Variants in OPCML observed in about 807,000 individuals in gnomAD.
OPCML encodes the protein opioid binding protein/cell adhesion molecule like.
A neutral mutation model predicts 37.8 loss-of-function variants in OPCML; 13 were observed. That is an observed-to-expected ratio of 0.34 (90% CI 0.22 to 0.55). The LOEUF is 0.55. OPCML is among the 20% of genes least tolerant of loss of function. OPCML has a pLI of 0.91. For synonymous variants in OPCML, 176 were observed against 168.8 expected, an observed-to-expected ratio of 1.04 and a Z score of -0.33; for missense variants, 341 against 435.6, an observed-to-expected ratio of 0.78 and a Z score of 1.93.
intron 1 of OPCML, among the ~76,000 whole-genome samples, chr11:133,359,349 T>C (rs1011185187): frequency 1.3e-5 from 2 of 152,196 alleles, no homozygotes; most frequent in Non-Finnish European, 2.9e-5. Flanking sequence ...TTTTTTGTAA[T>C]TGTTCACATT....
intron 4 of OPCML, among the ~76,000 whole-genome samples, chr11:132,506,240 G>A: frequency 6.6e-6 from 1 of 152,204 alleles, no homozygotes; most frequent in East Asian, 1.9e-4. Flanking sequence ...GGGATAGTCT[G>A]TGTTATGATT....
At chr11:133,227,717 G>A (rs1323907616) in intron 1 of OPCML, among the ~76,000 whole-genome samples, 1 of 152,152 alleles carries the variant, frequency 6.6e-6, no homozygotes, top group Non-Finnish European at 1.5e-5. Context: ...GCCCTCCAGG[G>A]TGAAGGGCAT....
At chr11:132,970,266 G>A (rs952247025) in intron 1 of OPCML, among the ~76,000 whole-genome samples, 2 of 152,028 alleles carry the variant, frequency 1.3e-5, no homozygotes, top group African/African-American at 2.4e-5. Flanking sequence ...GAATTATATA[G>A]GCACATACGA....
chr11:132,921,167 G>C (rs61906959), intron 2 of OPCML, among the ~76,000 whole-genome samples: 37,065 of 152,138 alleles, frequency 0.24, 7,584 homozygotes, highest in African/African-American at 0.55. Context: ...CCTCGTGTTT[G>C]TCACCTTGTT....
chr11:133,479,239 TAAGGCCCA>T (rs1565656746), intron 1 of OPCML, among the ~76,000 whole-genome samples: 20 of 152,252 alleles, frequency 1.3e-4, no homozygotes, highest in African/African-American at 4.6e-4. Flanking sequence ...AAACTCAAAC[TAAGGCCCA>T]GGTGTCTGCA....
chr11:132,603,054 A>G (rs1938032668), intron 3 of OPCML, among the ~76,000 whole-genome samples: 1 of 152,054 alleles, frequency 6.6e-6, no homozygotes, highest in Non-Finnish European at 1.5e-5. Flanking sequence ...AACTTGTACA[A>G]ATTTAGTCTT....
intron 1 of OPCML, among the ~76,000 whole-genome samples, chr11:133,000,965 C>G (rs879723617): frequency 1.3e-5 from 2 of 152,166 alleles, no homozygotes; most frequent in Non-Finnish European, 2.9e-5. Flanking sequence ...TTCTTGCTCC[C>G]TCTCTCGCCA....
intron 1 of OPCML, among the ~76,000 whole-genome samples, chr11:133,478,213 A>T (rs1288926199): frequency 3.3e-5 from 5 of 152,188 alleles, no homozygotes; most frequent in Non-Finnish European, 7.3e-5. Context: ...CAGGAGGATG[A>T]AAGGATCAGC....
chr11:133,286,616 C>T (rs1316915287), intron 1 of OPCML, among the ~76,000 whole-genome samples: 2 of 152,136 alleles, frequency 1.3e-5, no homozygotes, highest in Admixed American at 6.5e-5. Flanking sequence ...GGGCAGTGGC[C>T]TCGGCGGCCT....
intron 1 of OPCML, among the ~76,000 whole-genome samples, chr11:133,494,172 T>C (rs1947728712): frequency 6.6e-6 from 1 of 152,142 alleles, no homozygotes; most frequent in Non-Finnish European, 1.5e-5. Flanking sequence ...CACAATGAGA[T>C]ACCATCTCAC....
intron 1 of OPCML, among the ~76,000 whole-genome samples, chr11:132,987,542 A>G (rs991542648): frequency 6.6e-6 from 1 of 152,192 alleles, no homozygotes; most frequent in Non-Finnish European, 1.5e-5. Flanking sequence ...AGGTTGAACT[A>G]TCAAAAGGCT....
In OPCML at chr11:132,419,610, T is replaced by A. The variant is rs1345031180; in HGVS notation, c.*583A>T. 1 of 152,260 alleles carries A rather than the reference T, an allele frequency of 6.6e-6. No homozygotes were observed. Among genetic ancestry groups the A allele is most frequent in the East Asian group, 1.9e-4 (1 of 5,198 alleles). 9.4% of individuals were successfully genotyped at this position (152,260 alleles called of 1,614,324 possible). A position where few individuals can be genotyped will look rare whatever the true frequency, so the allele number is the denominator to read the frequency against. On this transcript the variant is annotated 3_prime_UTR_variant, in exon 8 of 8. Coordinates refer to ENST00000524381, the MANE Select transcript of OPCML (RefSeq NM_001012393.5). ...GGAGGGGCTACAGAAGATGGCACAA[T>A]CATCTATATTGAAATCTATAGATAT...
At chr11:133,339,654 C>T (rs1330076316) in intron 1 of OPCML, among the ~76,000 whole-genome samples, 1 of 152,188 alleles carries the variant, frequency 6.6e-6, no homozygotes, top group Non-Finnish European at 1.5e-5. Context: ...CAGCCCGCTG[C>T]TCTGCAGTGG....
In OPCML at chr11:133,227,638, G is replaced by GA. The variant is rs199907156; in HGVS notation, c.62-284629dup. ...ATCACAGGATTTTAAATCAAGGAAA[G>GA]AAAAAAAAAGGCCGTTCCATTCTCC... On this transcript the variant is annotated intron_variant, in intron 1 of 7. Transcript: ENST00000524381. Among the ~76,000 whole-genome samples, 169 of 150,430 alleles carry GA rather than the reference G, an allele frequency of 1.1e-3. 1 individual carries two copies. In the East Asian group the frequency reaches 0.013, roughly 12 times the overall value.
At chr11:132,796,936 C>A (rs1424901294) in intron 2 of OPCML, among the ~76,000 whole-genome samples, 1 of 152,016 alleles carries the variant, frequency 6.6e-6, no homozygotes, top group Admixed American at 6.6e-5. Context: ...TATTCAAATC[C>A]TTTGCCCATT....
At chr11:132,878,199 A>T (rs997054301) in intron 2 of OPCML, among the ~76,000 whole-genome samples, 1 of 151,696 alleles carries the variant, frequency 6.6e-6, no homozygotes, top group African/African-American at 2.4e-5. Flanking sequence ...AAAAAATTAT[A>T]TTGGCTGGCG....
At chr11:133,303,687 T>A (rs530351510) in intron 1 of OPCML, among the ~76,000 whole-genome samples, 1 of 152,278 alleles carries the variant, frequency 6.6e-6, no homozygotes, top group Non-Finnish European at 1.5e-5. Flanking sequence ...ACGTTATTGA[T>A]AAACTGATGT....
chr11:132,635,457 AAAG>A (rs1353744563), intron 3 of OPCML, among the ~76,000 whole-genome samples: 2 of 152,190 alleles, frequency 1.3e-5, no homozygotes, highest in South Asian at 2.1e-4. Context: ...ATGATTTAGA[AAAG>A]AAGGAGACTC....
At chr11:132,800,901 A>G (rs1938610448) in intron 2 of OPCML, among the ~76,000 whole-genome samples, 1 of 152,172 alleles carries the variant, frequency 6.6e-6, no homozygotes, top group African/African-American at 2.4e-5. Context: ...TAGAGTAATA[A>G]TTACATGATA....
Sources: allele counts gnomAD v4.1 joint callset (sites outside exome capture counted in the v4.1 genomes callset), GRCh38; gene constraint gnomAD v4.1.1; transcripts MANE v1.5; gene names NCBI Gene and HGNC (gene_info 2026-07-23, HGNC 2026-07-21).